The following MAGI2 variants were observed in gnomAD, a reference collection of about 807,000 sequenced individuals.
The protein encoded by MAGI2 is membrane associated guanylate kinase, WW and PDZ domain containing 2, also known as membrane-associated guanylate kinase, WW and PDZ domain-containing protein 2.
A neutral mutation model predicts 133.3 loss-of-function variants in MAGI2; 35 were observed. The ratio of observed to expected loss-of-function variants is 0.26; its 90% CI spans 0.20 to 0.35. MAGI2 has a LOEUF of 0.35. Among genes scored for constraint, MAGI2 ranks in the 10% least tolerant of loss-of-function variants. The pLI is 1.00. For missense variants in MAGI2, 1,636 were observed against 1,863.4 expected, an observed-to-expected ratio of 0.88 and a Z score of 2.25; for synonymous variants, 729 against 710.6, an observed-to-expected ratio of 1.03 and a Z score of -0.41.
At chr7:78,399,241 C>T (rs186455427) in intron 6 of MAGI2, among the ~76,000 whole-genome samples, 12 of 152,282 alleles carry the variant, frequency 7.9e-5, no homozygotes, top group Admixed American at 3.9e-4. Context: ...CACATGCATG[C>T]GGGTGTGTGC....
chr7:78,911,290 A>G (rs1377076743), intron 2 of MAGI2, among the ~76,000 whole-genome samples: 1 of 152,196 alleles, frequency 6.6e-6, no homozygotes, highest in East Asian at 1.9e-4. Context: ...TGATTGATTA[A>G]CCAACTGTAT....
intron 2 of MAGI2, among the ~76,000 whole-genome samples, chr7:78,704,484 C>A (rs1273520789): frequency 6.6e-6 from 1 of 152,066 alleles, no homozygotes; most frequent in African/African-American, 2.4e-5. Flanking sequence ...TAAAATAGTT[C>A]AAGCATTGTG....
chr7:78,899,806 C>T (rs1797473904), intron 2 of MAGI2, among the ~76,000 whole-genome samples: 1 of 152,098 alleles, frequency 6.6e-6, no homozygotes, highest in African/African-American at 2.4e-5. Context: ...ACCAGTAATC[C>T]ATCACACCAT....
chr7:79,150,132 A>G (rs998130304), intron 1 of MAGI2, among the ~76,000 whole-genome samples: 1 of 152,144 alleles, frequency 6.6e-6, no homozygotes, highest in African/African-American at 2.4e-5. Context: ...GAGCCAGACC[A>G]CAATCACGGT....
intron 6 of MAGI2, among the ~76,000 whole-genome samples, chr7:78,449,819 G>C (rs950928943): frequency 6.6e-6 from 1 of 151,872 alleles, no homozygotes; most frequent in Admixed American, 6.6e-5. Flanking sequence ...CTGAGGTTTG[G>C]GATAACCAGG....
rs568070615 is a variant in MAGI2 at position 79,111,664 on chromosome 7, T to C, written c.302-104458A>G. Among the ~76,000 whole-genome samples, 16 of 151,762 alleles carry C rather than the reference T, an allele frequency of 1.1e-4. No homozygotes were observed. In the South Asian group the frequency reaches 1.9e-3, roughly 18 times the overall value. On this transcript the variant is annotated intron_variant, in intron 1 of 21. Transcript: ENST00000354212. ...ACAGTTGTCCAAATAGAGACTTTTG[T>C]TTGTTTGTTTGTTTGTTTTTGAGAT... is the stretch of plus-strand genomic sequence containing the variant.
At chr7:78,474,947 A>G (rs546729903) in intron 6 of MAGI2, among the ~76,000 whole-genome samples, 2 of 151,912 alleles carry the variant, frequency 1.3e-5, no homozygotes, top group East Asian at 3.9e-4. Context: ...TTTTTGTTGT[A>G]AAATAAAAAA....
At chr7:79,210,707 T>C (rs1045505408) in intron 1 of MAGI2, among the ~76,000 whole-genome samples, 1 of 152,124 alleles carries the variant, frequency 6.6e-6, no homozygotes, top group Non-Finnish European at 1.5e-5. Flanking sequence ...CTTCCAGCTC[T>C]ACCTTATTCT....
chr7:78,703,259 G>A (rs995384699), intron 2 of MAGI2, among the ~76,000 whole-genome samples: 6 of 151,984 alleles, frequency 3.9e-5, no homozygotes, highest in African/African-American at 1.2e-4. Context: ...AATTTCATCT[G>A]TAAGAAGACA....
chr7:78,975,443 G>T (rs1348194089), intron 2 of MAGI2, among the ~76,000 whole-genome samples: 1 of 151,668 alleles, frequency 6.6e-6, no homozygotes, highest in East Asian at 1.9e-4. Flanking sequence ...CAAAGAAGAA[G>T]TCACGGGAGA....
At chr7:78,941,728 TCACACACACACACACACACACACACA>T (rs3068585) in intron 2 of MAGI2, among the ~76,000 whole-genome samples, 1 of 123,380 alleles carries the variant, frequency 8.1e-6, no homozygotes, top group Non-Finnish European at 1.8e-5. Context: ...GCCTATTTCA[TCACACACACACACACACACACACACA>T]CACACACACA....
intron 9 of MAGI2, among the ~76,000 whole-genome samples, chr7:78,295,119 G>A (rs563502807): frequency 6.6e-6 from 1 of 152,108 alleles, no homozygotes; most frequent in East Asian, 1.9e-4. Flanking sequence ...AGTTTTTTGT[G>A]CAGTACCTTT....
At chr7:79,151,789 C>T (rs577913123) in intron 1 of MAGI2, among the ~76,000 whole-genome samples, 104 of 152,172 alleles carry the variant, frequency 6.8e-4, no homozygotes, top group African/African-American at 2.5e-3. Flanking sequence ...TGTGTGGCTT[C>T]CCTGTGGATT....
At chr7:78,895,827 G>A (rs537884834) in intron 2 of MAGI2, among the ~76,000 whole-genome samples, 116 of 152,006 alleles carry the variant, frequency 7.6e-4, no homozygotes, top group Non-Finnish European at 1.4e-3. Flanking sequence ...ATAGTTTTGA[G>A]GAAAAAGGGT....
Position 78,070,008 on chromosome 7 carries a change from C to T in MAGI2, c.3706+8939G>A, listed in dbSNP as rs112278553. On this transcript the variant is annotated intron_variant, in intron 21 of 21. Transcript: ENST00000354212. ...CCTCTTTATTCACTCATCTTCTCCA[C>T]GACTTAAGTGTTTGGGAATTGAGGA... Among the ~76,000 whole-genome samples the T allele has an allele frequency of 9.8e-3, 1,489 of 151,428 alleles. 22 individuals carry two copies. Among genetic ancestry groups the T allele is most frequent in the African/African-American group, 0.034 (1,405 of 41,172 alleles).
At chr7:78,303,595 G>A (rs1047482541) in intron 9 of MAGI2, among the ~76,000 whole-genome samples, 7 of 152,034 alleles carry the variant, frequency 4.6e-5, no homozygotes, top group African/African-American at 1.7e-4. Context: ...GCACTGTGCA[G>A]TCAGCATCCT....
At chr7:78,036,131 A>G (rs930030818) in intron 21 of MAGI2, among the ~76,000 whole-genome samples, 2 of 152,276 alleles carry the variant, frequency 1.3e-5, no homozygotes. Context: ...TACCTATTGA[A>G]TGAATTCCAC....
intron 6 of MAGI2, among the ~76,000 whole-genome samples, chr7:78,428,813 G>A (rs757191618): frequency 6.6e-6 from 1 of 152,146 alleles, no homozygotes; most frequent in South Asian, 2.1e-4. Flanking sequence ...CAATGCTATA[G>A]GTCGCTGCCT....
intron 6 of MAGI2, among the ~76,000 whole-genome samples, chr7:78,453,175 G>A (rs1471004839): frequency 1.3e-5 from 2 of 152,068 alleles, no homozygotes; most frequent in African/African-American, 4.8e-5. Context: ...GATCTCCTTT[G>A]CATAATGAAC....
Sources: allele counts gnomAD v4.1 joint callset (sites outside exome capture counted in the v4.1 genomes callset), GRCh38; gene constraint gnomAD v4.1.1; transcripts MANE v1.5; gene names NCBI Gene and HGNC (gene_info 2026-07-23, HGNC 2026-07-21).